The following TDRD7 variants were observed in gnomAD, a reference collection of about 807,000 sequenced individuals.
The protein encoded by TDRD7 is tudor domain-containing protein 7.
A neutral mutation model predicts 109.8 loss-of-function variants in TDRD7; 47 were observed. The ratio of observed to expected loss-of-function variants is 0.43; its 90% confidence interval spans 0.34 to 0.55. The LOEUF (loss-of-function observed/expected upper bound fraction) is 0.55. TDRD7 is among the 20% of genes least tolerant of loss of function. The probability of loss-of-function intolerance (pLI) is 0.03; values close to 1 mark genes in which losing one functional copy is unlikely to be tolerated. For synonymous variants in TDRD7, 424 were observed against 457.3 expected (o/e 0.93, Z 0.93); for missense variants, 1,164 against 1,319.2 (o/e 0.88, Z 1.82).
At chr9:97,493,477 G>GATA (rs1473490745) in intron 16 of TDRD7, among the ~76,000 whole-genome samples, 1 of 152,098 alleles carries the variant, frequency 6.6e-6, no homozygotes, top group African/African-American at 2.4e-5. Flanking sequence ...AAGGTAATAA[G>GATA]ATATCACAAG....
In TDRD7 at chr9:97,420,278, T is replaced by C. The variant is rs572313628; in HGVS notation, c.-7+8040T>C. On this transcript the variant is annotated intron_variant, in intron 1 of 16. Transcript: ENST00000355295. ...ATAATCCATAGTGACAGAAAGCAGA[T>C]TGGTAGTTGCCAGGAGCCAGGGCAG... Among the ~76,000 whole-genome samples the C allele has an allele frequency of 4.0e-5, 6 of 148,704 alleles. No individual in the cohort carries two copies. The East Asian group carries it at 1.0e-3, about 25-fold the overall frequency.
chr9:97,419,920 A>G (rs938268712), intron 1 of TDRD7, among the ~76,000 whole-genome samples: 1 of 152,144 alleles, frequency 6.6e-6, no homozygotes, highest in African/African-American at 2.4e-5. Flanking sequence ...TATCTTAAGT[A>G]TTTAACTTAT....
At chr9:97,430,862 T>G in intron 2 of TDRD7, 71 bp from the exon 3 acceptor site, 1 of 1,601,184 alleles carries the variant, frequency 6.2e-7, no homozygotes, top group South Asian at 1.1e-5. Flanking sequence ...AGATCCACTT[T>G]TAAGAACTGG....
At chr9:97,428,424 G>C (rs767170595) in intron 1 of TDRD7, 36 bp from the exon 2 acceptor site, 1 of 1,587,104 alleles carries the variant, frequency 6.3e-7, no homozygotes, top group African/African-American at 1.3e-5. Context: ...AAACGAATGA[G>C]CCATATTATA....
At chr9:97,480,736 C>T in intron 13 of TDRD7, 92 bp from the exon 14 acceptor site, 1 of 1,049,416 alleles carries the variant, frequency 9.5e-7, no homozygotes, top group Non-Finnish European at 1.5e-6. Flanking sequence ...TATCTTGGTA[C>T]CATTTGATTT....
At chr9:97,428,111 G>A (rs1188214535) in intron 1 of TDRD7, among the ~76,000 whole-genome samples, 1 of 152,016 alleles carries the variant, frequency 6.6e-6, no homozygotes, top group Non-Finnish European at 1.5e-5. Flanking sequence ...CGCACATCCT[G>A]TTCCCTTCCT....
At chr9:97,462,046 T>C (rs1055606066) in intron 7 of TDRD7, among the ~76,000 whole-genome samples, 1 of 152,224 alleles carries the variant, frequency 6.6e-6, no homozygotes, top group African/African-American at 2.4e-5. Flanking sequence ...AGATGTGGTG[T>C]GGCCTGAAGA....
intron 1 of TDRD7, among the ~76,000 whole-genome samples, chr9:97,422,748 T>C (rs1478828247): frequency 6.6e-6 from 1 of 152,232 alleles, no homozygotes; most frequent in Non-Finnish European, 1.5e-5. Flanking sequence ...AATACATTTT[T>C]TATTTTGTCA....
chr9:97,492,076 C>G (rs1829317499), intron 16 of TDRD7, among the ~76,000 whole-genome samples: 1 of 152,250 alleles, frequency 6.6e-6, no homozygotes, highest in South Asian at 2.1e-4. Flanking sequence ...CGCTTTGACT[C>G]TCAGTATCTT....
In TDRD7 at chr9:97,473,613, A is replaced by G. The variant is rs749235316; in HGVS notation, c.2066A>G (p.Tyr689Cys). The G allele has an allele frequency of 1.9e-6, 3 of 1,613,734 alleles. No individual in the cohort carries two copies. Among genetic ancestry groups the G allele is most frequent in the African/African-American group, 1.3e-5 (1 of 75,036 alleles). The change falls in exon 11 of 17, where the codon TAC becomes TGC. Residue 689 changes from tyrosine to cysteine, a missense_variant. Physicochemically the swap from Tyr to Cys is radical, Grantham distance 194 (BLOSUM62 -2). Transcript: ENST00000355295. ...LSDLLRKIED[Y>C]FHCKHMTSEC... Reference sequence around the variant, plus strand: ...GACCTTCTACGTAAGATAGAGGACTACTTCCATTGCAAGGTATAGCAGAAC... The same window carrying G: ...GACCTTCTACGTAAGATAGAGGACTGCTTCCATTGCAAGGTATAGCAGAAC...
At chr9:97,488,203 A>G (rs1829244346) in intron 16 of TDRD7, among the ~76,000 whole-genome samples, 1 of 152,218 alleles carries the variant, frequency 6.6e-6, no homozygotes, top group South Asian at 2.1e-4. Context: ...GAGGCCTTGT[A>G]GCGTTAGCAG....
chr9:97,460,574 G>C lies in TDRD7; in HGVS notation c.1252G>C (p.Gly418Arg). 9.9e-6 allele frequency: 16 copies of C among 1,614,212 alleles called. No homozygotes were observed. The highest frequency in any genetic ancestry group is 1.3e-5 in the Non-Finnish European group (15 of 1,180,040). ...LPTDKIQKDA[G>R]QAHGDNDIKA... is the part of the protein sequence containing the mutation. ...CACTGACAAAATCCAAAAGGATGCAGGGCAAGCACATGGTGATAATGATAT... is the reference window on the plus strand; with the variant it reads ...CACTGACAAAATCCAAAAGGATGCACGGCAAGCACATGGTGATAATGATAT... Residue 418 changes from glycine to arginine, a missense_variant, in exon 7 of 17, where the codon GGG becomes CGG. Physicochemically the swap from Gly to Arg is moderately radical, Grantham distance 125 (BLOSUM62 -2). This residue lies in a region of TDRD7 where 407 missense variants were observed against 394.0 expected (regional missense o/e 1.03). Coordinates refer to ENST00000355295, the MANE Select transcript of TDRD7 (RefSeq NM_014290.3).
chr9:97,478,730 T>G, intron 13 of TDRD7, 157 bp downstream of exon 13: 2 of 1,009,470 alleles, frequency 2.0e-6, no homozygotes, highest in Non-Finnish European at 3.0e-6. Context: ...AGTAAAACAT[T>G]GCTGACTTAG....
At chr9:97,457,793 C>G (rs982168746) in intron 6 of TDRD7, among the ~76,000 whole-genome samples, 1 of 152,152 alleles carries the variant, frequency 6.6e-6, no homozygotes, top group Non-Finnish European at 1.5e-5. Flanking sequence ...CTATGGAATA[C>G]CATGCAGCCA....
intron 1 of TDRD7, among the ~76,000 whole-genome samples, chr9:97,413,574 A>G (rs1281068650): frequency 1.3e-5 from 2 of 152,222 alleles, no homozygotes; most frequent in Admixed American, 6.5e-5. Context: ...TGTGTTTACT[A>G]TATAATATAA....
At position 97,478,561 on chromosome 9, in the gene TDRD7, A is replaced by C; in HGVS notation, c.2289A>C (p.Ala763=). ...IPPRFLQEMI[A]IPPQAIKCCL... ...CTCGGTTTCTACAAGAAATGATTGC[A>C]ATACCACCTCAGGTACTATGTTACC... Residue 763 remains alanine (A), a synonymous_variant, in exon 13 of 17, where the codon GCA becomes GCC. Transcript: ENST00000355295. 1 of 1,613,978 alleles carries C rather than the reference A, an allele frequency of 6.2e-7. No homozygotes were observed. The highest frequency in any genetic ancestry group is 8.5e-7 in the Non-Finnish European group (1 of 1,179,900).
rs765151533 is a variant in TDRD7 at position 97,460,332 on chromosome 9, T to G, written c.1010T>G (p.Met337Arg). 6.2e-7 allele frequency: 1 copy of G among 1,614,192 alleles called. No individual in the cohort carries two copies. The highest frequency in any genetic ancestry group is 8.5e-7 in the Non-Finnish European group (1 of 1,180,028). Residue 337 changes from methionine (M) to arginine (R), a missense_variant, in exon 7 of 17, where the codon ATG becomes AGG. Coordinates refer to ENST00000355295, the MANE Select transcript of TDRD7 (RefSeq NM_014290.3). ...CCGTTGAAAGGGTGTCCAACAGTTA[T>G]GGCAGGAGACTTTAAAGAAAAAGTG... Reference protein sequence around the residue: ...TPPLKGCPTVMAGDFKEKVAD... With the variant: ...TPPLKGCPTVRAGDFKEKVAD...
At chr9:97,474,147 G>T (rs1326270405) in intron 11 of TDRD7, among the ~76,000 whole-genome samples, 1 of 152,146 alleles carries the variant, frequency 6.6e-6, no homozygotes, top group Non-Finnish European at 1.5e-5. Flanking sequence ...AGTTCAAATT[G>T]TATTAATAAG....
In TDRD7 at chr9:97,462,707, G is replaced by A. The variant is rs192023829; in HGVS notation, c.1442+1943G>A. On this transcript the variant is annotated intron_variant, in intron 7 of 16. Transcript: ENST00000355295. ...TGCCCCCCTTGCTCAGGTAATTTGA[G>A]GATAATATATGACCTCATTCTCGTC... Among the ~76,000 whole-genome samples, 78 of 152,306 alleles carry A rather than the reference G, an allele frequency of 5.1e-4. 1 individual carries two copies. Among genetic ancestry groups the A allele is most frequent in the African/African-American group, 1.9e-3 (77 of 41,566 alleles).
Sources: allele counts gnomAD v4.1 joint callset (sites outside exome capture counted in the v4.1 genomes callset), GRCh38; gene constraint gnomAD v4.1.1; regional missense constraint gnomAD v4.1.1; transcripts MANE v1.5; gene names NCBI Gene and HGNC (gene_info 2026-07-23, HGNC 2026-07-21).